The following PRDM1 variants were observed in gnomAD, a reference collection of about 807,000 sequenced individuals.
The protein encoded by PRDM1 is PR domain zinc finger protein 1.
In PRDM1, 13 loss-of-function variants were observed where a neutral mutation model predicts 62.8. The ratio of observed to expected loss-of-function variants is 0.21; its 90% CI spans 0.13 to 0.33. The LOEUF (loss-of-function observed/expected upper bound fraction) is 0.33, where lower values mean the gene tolerates loss of function less well. Among genes scored for constraint, PRDM1 ranks in the 10% least tolerant of loss-of-function variants. PRDM1 has a pLI of 1.00. For missense variants in PRDM1, 895 were observed against 1,058.8 expected, an observed-to-expected ratio of 0.85 and a Z score of 2.15; for synonymous variants, 396 against 417.6, an observed-to-expected ratio of 0.95 and a Z score of 0.63.
At position 105,994,909 on chromosome 6, in the gene PRDM1, G is replaced by A. The variant is rs1772327935; in HGVS notation, c.-67+1270G>A. ...CGGGGACGGCGCGCTTGTCGCGGGA[G>A]CCTCCCGGCTTGCGGAGGGCTTGAG... On this transcript the variant is annotated intron_variant, in intron 1 of 6. Coordinates refer to the PRDM1 transcript ENST00000652320. This position sits in a 1 kb window ranked among gnomAD's most constrained non-coding sequence, Gnocchi z 4.1. Among the ~76,000 whole-genome samples the A allele has an allele frequency of 6.6e-6, 1 of 152,262 alleles. No homozygotes were observed. Among genetic ancestry groups the A allele is most frequent in the South Asian group, 2.1e-4 (1 of 4,836 alleles).
In PRDM1 at chr6:106,095,800, TG is replaced by T. The variant is rs1305366677; in HGVS notation, c.411+68del. 3 of 1,559,764 alleles carry T rather than the reference TG, an allele frequency of 1.9e-6. No homozygotes were observed. The African/African-American group carries it at 4.1e-5, about 21-fold the overall frequency. On this transcript the variant is annotated intron_variant, in intron 3 of 6. Transcript: ENST00000369096. ...AAAAAATGGAGCTAAAAGAGCTGGG[TG>T]GCTCACCTTTCTCATCCTGTGCTGA...
At chr6:105,999,161 A>C (rs542212212) in intron 1 of PRDM1, among the ~76,000 whole-genome samples, 1 of 151,244 alleles carries the variant, frequency 6.6e-6, no homozygotes, top group Non-Finnish European at 1.5e-5. Context: ...TTGGTCTCAA[A>C]CTCCTGGGCT....
chr6:106,017,499 C>G (rs1331100588), intron 1 of PRDM1, among the ~76,000 whole-genome samples: 2 of 152,180 alleles, frequency 1.3e-5, no homozygotes, highest in African/African-American at 4.8e-5. Context: ...ACCTGCGCAC[C>G]TCCACCCTAC....
At chr6:106,094,832 G>A (rs1439688846) in intron 2 of PRDM1, among the ~76,000 whole-genome samples, 1 of 151,998 alleles carries the variant, frequency 6.6e-6, no homozygotes, top group Non-Finnish European at 1.5e-5. Context: ...GATCCCAGGA[G>A]GTCAAGGCTG....
chr6:106,003,183 G>A (rs569165002), intron 1 of PRDM1, among the ~76,000 whole-genome samples: 1 of 152,184 alleles, frequency 6.6e-6, no homozygotes, highest in Non-Finnish European at 1.5e-5. Context: ...TAAAGTGTCA[G>A]TATAATGTAT....
exon 1 of PRDM1, among the ~76,000 whole-genome samples, chr6:105,993,604 C>T (rs1425563657): frequency 1.3e-5 from 2 of 152,162 alleles, no homozygotes; most frequent in African/African-American, 4.8e-5. Context: ...GCTGGTGTGC[C>T]GCTTAGGACT....
intron 1 of PRDM1, among the ~76,000 whole-genome samples, chr6:106,075,510 A>G (rs1182522317): frequency 6.6e-6 from 1 of 152,242 alleles, no homozygotes; most frequent in Non-Finnish European, 1.5e-5. Context: ...ATAGCCTTGT[A>G]TTAACCATAA....
intron 1 of PRDM1, among the ~76,000 whole-genome samples, chr6:105,996,315 G>T (rs1385745281): frequency 2.6e-5 from 4 of 152,014 alleles, no homozygotes; most frequent in African/African-American, 7.3e-5. Context: ...GGTAGCCACT[G>T]GTTCTGCTTG....
Position 105,994,857 on chromosome 6 carries a change from A to T in PRDM1, c.-67+1218A>T, listed in dbSNP as rs9398058. On this transcript the variant is annotated intron_variant, in intron 1 of 6. Coordinates refer to the PRDM1 transcript ENST00000652320. The surrounding 1 kb of genome is among the most constrained non-coding windows in gnomAD (Gnocchi z 4.1). Reference sequence around the variant, plus strand: ...CCAGTCCCGCCGCGTCGGGAATGCGAGCCCGGCCACGCGGTCCGACCGGGT... The same window carrying T: ...CCAGTCCCGCCGCGTCGGGAATGCGTGCCCGGCCACGCGGTCCGACCGGGT... 1.3e-5 allele frequency among the ~76,000 whole-genome samples: 2 copies of T among 152,278 alleles called. No individual in the cohort carries two copies. The highest frequency in any genetic ancestry group is 2.9e-5 in the Non-Finnish European group (2 of 68,016).
chr6:106,041,582 T>C (rs1397416238), intron 1 of PRDM1, among the ~76,000 whole-genome samples: 2 of 152,174 alleles, frequency 1.3e-5, no homozygotes, highest in Non-Finnish European at 2.9e-5. Flanking sequence ...TAGCATGAGA[T>C]AGTTTCTTGG....
At chr6:106,086,702 T>C in intron 1 of PRDM1, 107 bp downstream of exon 1, 2 of 1,016,248 alleles carry the variant, frequency 2.0e-6, no homozygotes, top group Non-Finnish European at 2.9e-6. Flanking sequence ...AATGTCGCAG[T>C]AGAAACATGC....
intron 1 of PRDM1, among the ~76,000 whole-genome samples, chr6:106,032,672 A>T (rs1210257655): frequency 6.6e-6 from 1 of 151,578 alleles, no homozygotes; most frequent in African/African-American, 2.4e-5. Context: ...TGATCTCTTG[A>T]CCTTGTGATC....
chr6:106,073,270 A>G (rs1773550929), intron 1 of PRDM1, among the ~76,000 whole-genome samples: 1 of 152,062 alleles, frequency 6.6e-6, no homozygotes, highest in Non-Finnish European at 1.5e-5. Context: ...GCCCACTCTC[A>G]TGCCCAGCTA....
chr6:106,085,913 C>T (rs1421510941), upstream of PRDM1, among the ~76,000 whole-genome samples: 1 of 152,030 alleles, frequency 6.6e-6, no homozygotes, highest in African/African-American at 2.4e-5. Context: ...GACAGCTCCA[C>T]TGTATTACAC....
At chr6:106,088,600 C>T in intron 2 of PRDM1, 151 bp downstream of exon 2, 1 of 860,900 alleles carries the variant, frequency 1.2e-6, no homozygotes. Context: ...GCATTGCTTT[C>T]TCTTTCCCTA....
chr6:106,107,633 A>G lies in PRDM1; in HGVS notation c.*147A>G, dbSNP rs1582483463. The G allele has an allele frequency of 1.8e-6, 1 of 555,618 alleles. No homozygotes were observed. Among genetic ancestry groups the G allele is most frequent in the East Asian group, 3.1e-5 (1 of 31,964 alleles). The allele number at this position is 555,618 out of a possible 1,614,324, so 34.4% of individuals were successfully genotyped here. The stretch of plus-strand genomic sequence containing the variant: ...CCTCACCTCTGGAATTAAAGAAGGA[A>G]CTCCAAAGTTACTGAAATCTCAGGG... On this transcript the variant is annotated 3_prime_UTR_variant, in exon 7 of 7. Transcript: ENST00000369096.
At chr6:106,087,108 C>T (rs1161139592) in intron 1 of PRDM1, among the ~76,000 whole-genome samples, 2 of 152,096 alleles carry the variant, frequency 1.3e-5, no homozygotes. Context: ...GGAAATGATA[C>T]CCATATTCCT....
upstream of PRDM1, chr6:106,046,520 G>A (rs1421051730): frequency 2.6e-5 from 4 of 152,324 alleles, no homozygotes; most frequent in Non-Finnish European, 5.9e-5. Context: ...CTAGAATATA[G>A]ATGAAGCATT....
At chr6:106,055,751 A>C (rs1773255719) in intron 1 of PRDM1, among the ~76,000 whole-genome samples, 2 of 152,204 alleles carry the variant, frequency 1.3e-5, no homozygotes, top group African/African-American at 4.8e-5. Context: ...GTTGGTGTTT[A>C]TTAACTAACT....
Sources: allele counts gnomAD v4.1 joint callset (sites outside exome capture counted in the v4.1 genomes callset), GRCh38; gene constraint gnomAD v4.1.1; non-coding constraint Gnocchi (gnomAD v3.1); transcripts MANE v1.5; gene names NCBI Gene and HGNC (gene_info 2026-07-23, HGNC 2026-07-21).